The following LSAMP variants were observed in gnomAD, a reference collection of about 807,000 sequenced individuals.
LSAMP encodes the protein limbic system-associated membrane protein.
In LSAMP, 7 loss-of-function variants were observed where a neutral mutation model predicts 38.6. That is an observed-to-expected ratio of 0.18 (90% CI 0.10 to 0.34). The LOEUF is 0.34. Ranked by LOEUF, LSAMP falls within the 10% of genes least tolerant of loss-of-function variation. The pLI is 1.00. For missense variants in LSAMP, 313 were observed against 420.0 expected (o/e 0.75, Z 2.23); for synonymous variants, 154 against 166.8 (o/e 0.92, Z 0.59).
At chr3:116,083,468 A>T (rs1707915505) in intron 2 of LSAMP, among the ~76,000 whole-genome samples, 1 of 152,212 alleles carries the variant, frequency 6.6e-6, no homozygotes, top group Non-Finnish European at 1.5e-5. Context: ...AGTGTATTTA[A>T]ACAGCAAGAA....
At chr3:115,961,857 T>C (rs1033803501) in intron 3 of LSAMP, among the ~76,000 whole-genome samples, 1 of 152,214 alleles carries the variant, frequency 6.6e-6, no homozygotes, top group Admixed American at 6.5e-5. Flanking sequence ...AGAGGGTCCT[T>C]CAGAACCTTT....
chr3:115,955,645 T>TTG (rs369894798), intron 3 of LSAMP, among the ~76,000 whole-genome samples: 1 of 152,140 alleles, frequency 6.6e-6, no homozygotes, highest in Non-Finnish European at 1.5e-5. Flanking sequence ...CAGCAGGTAG[T>TTG]TGTGTGTGTG....
At chr3:116,274,606 C>A (rs1438117548) in intron 1 of LSAMP, among the ~76,000 whole-genome samples, 1 of 152,130 alleles carries the variant, frequency 6.6e-6, no homozygotes, top group Non-Finnish European at 1.5e-5. Flanking sequence ...CATCCCTCCA[C>A]CTACTTAAAA....
chr3:115,930,285 G>T (rs887434847), intron 3 of LSAMP, among the ~76,000 whole-genome samples: 3 of 151,902 alleles, frequency 2.0e-5, no homozygotes, highest in Non-Finnish European at 2.9e-5. Flanking sequence ...GTAGATCCAC[G>T]GCTAAAAGAA....
intron 1 of LSAMP, among the ~76,000 whole-genome samples, chr3:116,400,257 T>G (rs1225287278): frequency 6.6e-6 from 1 of 152,158 alleles, no homozygotes; most frequent in Non-Finnish European, 1.5e-5. Context: ...CATATCAACA[T>G]TTGAGATAAT....
chr3:115,873,403 T>A (rs1936101301), intron 3 of LSAMP, among the ~76,000 whole-genome samples: 1 of 151,336 alleles, frequency 6.6e-6, no homozygotes, highest in African/African-American at 2.4e-5. Flanking sequence ...AAGTCTATGC[T>A]TTTTTAGACT....
chr3:116,189,340 A>G (rs1289843971), intron 1 of LSAMP, among the ~76,000 whole-genome samples: 4 of 152,202 alleles, frequency 2.6e-5, no homozygotes, highest in Non-Finnish European at 5.9e-5. Context: ...GAAACCCTGC[A>G]TAGATACAGC....
chr3:115,961,300 A>G (rs1281219526), intron 3 of LSAMP, among the ~76,000 whole-genome samples: 2 of 152,232 alleles, frequency 1.3e-5, no homozygotes, highest in Non-Finnish European at 2.9e-5. Flanking sequence ...GCACCAAATC[A>G]TAGCAAGCTG....
At chr3:116,303,790 G>A (rs1286000460) in intron 1 of LSAMP, among the ~76,000 whole-genome samples, 1 of 152,196 alleles carries the variant, frequency 6.6e-6, no homozygotes, top group Non-Finnish European at 1.5e-5. Context: ...TTAACAACTG[G>A]ATGCGCAGAA....
At chr3:116,419,642 G>A (rs145640145) in intron 1 of LSAMP, among the ~76,000 whole-genome samples, 5 of 152,114 alleles carry the variant, frequency 3.3e-5, no homozygotes, top group South Asian at 4.1e-4. Context: ...TCCAAAACAG[G>A]TATCAATAGG....
At chr3:115,857,439 G>T (rs756088312) in intron 3 of LSAMP, among the ~76,000 whole-genome samples, 1 of 152,092 alleles carries the variant, frequency 6.6e-6, no homozygotes, top group Admixed American at 6.5e-5. Flanking sequence ...CAAAACCTAT[G>T]GTTTAAGTTC....
In LSAMP at chr3:116,273,165, A is replaced by T. The variant is rs1404662432; in HGVS notation, c.155+171712T>A. 2.0e-5 allele frequency among the ~76,000 whole-genome samples: 3 copies of T among 152,132 alleles called. No homozygotes were observed. In the East Asian group the frequency reaches 5.8e-4, roughly 29 times the overall value. ...GAGTTCATGTGTGACCTACTACACCAGCCAAACTGCTGTCCCTATCAATCC... is the reference window on the plus strand; with the variant it reads ...GAGTTCATGTGTGACCTACTACACCTGCCAAACTGCTGTCCCTATCAATCC... On this transcript the variant is annotated intron_variant, in intron 1 of 6. Transcript: ENST00000490035.
At chr3:116,047,184 T>C (rs755774088) in intron 2 of LSAMP, among the ~76,000 whole-genome samples, 5 of 152,086 alleles carry the variant, frequency 3.3e-5, no homozygotes, top group Non-Finnish European at 7.4e-5. Flanking sequence ...AACGAATACA[T>C]TTAAAAGATT....
In LSAMP at chr3:116,099,716, C is replaced by A. The variant is rs150611870; in HGVS notation, c.156-13160G>T. The stretch of plus-strand genomic sequence containing the variant: ...AAAGCTTTCAGCGCCAGTCACCACC[C>A]AGTTTTCATTTTCTTGTTTCTCTTC... On this transcript the variant is annotated intron_variant, in intron 1 of 6. Coordinates refer to ENST00000490035, the MANE Select transcript of LSAMP (RefSeq NM_002338.5). Among the ~76,000 whole-genome samples the A allele has an allele frequency of 8.9e-4, 136 of 152,264 alleles. 1 individual carries two copies. Among genetic ancestry groups the A allele is most frequent in the African/African-American group, 3.2e-3 (134 of 41,572 alleles).
At chr3:115,847,896 C>T (rs755614542) in intron 4 of LSAMP, among the ~76,000 whole-genome samples, 1 of 152,146 alleles carries the variant, frequency 6.6e-6, no homozygotes, top group African/African-American at 2.4e-5. Flanking sequence ...GTGATGATTA[C>T]AGTGAATTGA....
intron 1 of LSAMP, among the ~76,000 whole-genome samples, chr3:116,371,896 T>C (rs1213559475): frequency 6.6e-6 from 1 of 151,930 alleles, no homozygotes; most frequent in African/African-American, 2.4e-5. Flanking sequence ...AAATGAACAA[T>C]CTGAAAAGAA....
At chr3:115,936,025 A>G (rs1454294187) in intron 3 of LSAMP, among the ~76,000 whole-genome samples, 2 of 152,220 alleles carry the variant, frequency 1.3e-5, no homozygotes, top group African/African-American at 4.8e-5. Context: ...AATTCAGTTC[A>G]GTTAACATTT....
Position 115,810,225 on chromosome 3 carries a change from CTCTCTCTCTCTCTCTCTCTG to C in LSAMP, c.*72_*91del, listed in dbSNP as rs1179325943. On this transcript the variant is annotated 3_prime_UTR_variant, in exon 7 of 7. Coordinates refer to ENST00000490035, the MANE Select transcript of LSAMP (RefSeq NM_002338.5). ...GTGAAATAAACGGTCTCCCCCATCT[CTCTCTCTCTCTCTCTCTCTG>C]TCTCTCTCTCTCTGTATTCTGTGTG... 13 of 691,070 alleles carry C rather than the reference CTCTCTCTCTCTCTCTCTCTG, an allele frequency of 1.9e-5. No homozygotes were observed. The highest frequency in any genetic ancestry group is 2.7e-5 in the Non-Finnish European group (12 of 443,194). 42.8% of individuals were successfully genotyped at this position (691,070 alleles called of 1,614,324 possible). A position where few individuals can be genotyped will look rare whatever the true frequency, so the allele number is the denominator to read the frequency against.
At chr3:115,884,414 C>A (rs920064134) in intron 3 of LSAMP, among the ~76,000 whole-genome samples, 9 of 151,976 alleles carry the variant, frequency 5.9e-5, no homozygotes, top group Admixed American at 5.9e-4. Context: ...CAACGAAGGG[C>A]AACTCATAGT....
Sources: allele counts gnomAD v4.1 joint callset (sites outside exome capture counted in the v4.1 genomes callset), GRCh38; gene constraint gnomAD v4.1.1; transcripts MANE v1.5; gene names NCBI Gene and HGNC (gene_info 2026-07-23, HGNC 2026-07-21).